INPP5B: variants seen among roughly 807,000 people sequenced by gnomAD.
The protein encoded by INPP5B is type II inositol 1,4,5-trisphosphate 5-phosphatase.
Under a neutral mutation model 118.5 loss-of-function variants are expected in INPP5B, and 90 were observed. That is an observed-to-expected ratio of 0.76 (90% CI 0.64 to 0.90). The LOEUF is 0.90. Among genes scored for constraint, INPP5B ranks in the 40% least tolerant of loss-of-function variants. The pLI, the probability that INPP5B is intolerant of heterozygous loss-of-function variation, is 0.00. For missense variants in INPP5B, 984 were observed against 1,125.6 expected (o/e 0.87, Z 1.80); for synonymous variants, 385 against 418.9 (o/e 0.92, Z 0.99).
intron 6 of INPP5B, among the ~76,000 whole-genome samples, chr1:37,940,464 C>T (rs569483468): frequency 2.0e-5 from 3 of 152,270 alleles, no homozygotes; most frequent in Non-Finnish European, 4.4e-5. Context: ...GCCAGGAGAG[C>T]AAAGGGGCCC....
At chr1:37,925,773 G>T (rs1351888195) in intron 7 of INPP5B, among the ~76,000 whole-genome samples, 2 of 152,124 alleles carry the variant, frequency 1.3e-5, no homozygotes, top group Non-Finnish European at 2.9e-5. Flanking sequence ...AAGAAAAAAA[G>T]AATCTTTAGG....
At chr1:37,938,270 A>AAAAT (rs71057106) in intron 6 of INPP5B, among the ~76,000 whole-genome samples, 15,965 of 118,736 alleles carry the variant, frequency 0.13, 922 homozygotes, top group Middle Eastern at 0.24. Flanking sequence ...CTCTGTCTCA[A>AAAAT]AAATAAATAA....
intron 20 of INPP5B, 97 bp from the exon 21 acceptor site, chr1:37,866,640 G>A (rs999537889): frequency 2.8e-5 from 21 of 755,420 alleles, no homozygotes; most frequent in African/African-American, 5.1e-5. Context: ...GCAAAAAGGA[G>A]CAGTGTGGTG....
Position 37,932,064 on chromosome 1 carries a change from A to G in INPP5B, c.392-11T>C. ...TCGCAGAATCGAAGCCTGTGCAGGA[A>G]CAAATGGGGGCAGACTGAGCCACGA... On this transcript the variant is annotated splice_polypyrimidine_tract_variant and intron_variant, in intron 6 of 23. Transcript: ENST00000373024. 1.3e-6 allele frequency: 2 copies of G among 1,578,188 alleles called. No individual in the cohort carries two copies. Among genetic ancestry groups the G allele is most frequent in the Non-Finnish European group, 1.7e-6 (2 of 1,161,654 alleles).
intron 5 of INPP5B, chr1:37,941,958 A>AAATATATATATATATATATATAT (rs1427344681): frequency 3.3e-5 from 1 of 30,378 alleles, no homozygotes; most frequent in Admixed American, 3.0e-4. Context: ...AAAAAAAAAA[A>AAATATATATATATATATATATAT]ATATATATAT....
intron 11 of INPP5B, among the ~76,000 whole-genome samples, 164 bp from the exon 12 acceptor site, chr1:37,887,168 C>T (rs1419556782): frequency 6.6e-6 from 1 of 152,182 alleles, no homozygotes; most frequent in Non-Finnish European, 1.5e-5. Context: ...ATGTGCTAAC[C>T]TACGAGTGGC....
Position 37,945,870 on chromosome 1 carries a change from G to T in INPP5B, c.58-20C>A. On this transcript the variant is annotated intron_variant, in intron 2 of 23. Coordinates refer to ENST00000373024, the MANE Select transcript of INPP5B (RefSeq NM_005540.3). ...CACCGCCTGCGGCTCAGAGTCAAGG[G>T]AAGACAACCCAGAGGCGAGGCCTCT... 1 of 1,612,442 alleles carries T rather than the reference G, an allele frequency of 6.2e-7. No homozygotes were observed. Among genetic ancestry groups the T allele is most frequent in the Non-Finnish European group, 8.5e-7 (1 of 1,178,806 alleles).
At chr1:37,934,028 G>A (rs1201348578) in intron 6 of INPP5B, among the ~76,000 whole-genome samples, 1 of 151,652 alleles carries the variant, frequency 6.6e-6, no homozygotes, top group African/African-American at 2.4e-5. Context: ...CCGCCTCCCG[G>A]GTTCAAATGA....
At position 37,876,552 on chromosome 1, in the gene INPP5B, T is replaced by TAAA. The variant is rs34854182; in HGVS notation, c.1678-839_1678-837dup. On this transcript the variant is annotated intron_variant, in intron 16 of 23. Coordinates refer to ENST00000373024, the MANE Select transcript of INPP5B (RefSeq NM_005540.3). ...GCAAGACAGCAAGATGCTGTCTCTT[T>TAAA]AAAAAAAAAAAAAAAAAAAAAAAAA... 2.1e-3 allele frequency among the ~76,000 whole-genome samples: 116 copies of TAAA among 54,604 alleles called. 4 individuals carry two copies. Among genetic ancestry groups the TAAA allele is most frequent in the African/African-American group, 7.1e-3 (79 of 11,138 alleles). 35.8% of individuals were successfully genotyped at this position (54,604 alleles called of 152,430 possible). A position where few individuals can be genotyped will look rare whatever the true frequency, so the allele number is the denominator to read the frequency against.
chr1:37,897,481 G>A (rs1241882255), intron 7 of INPP5B, among the ~76,000 whole-genome samples: 1 of 151,694 alleles, frequency 6.6e-6, no homozygotes, highest in Non-Finnish European at 1.5e-5. Context: ...ACTCAGGGTT[G>A]AATGGATTAA....
intron 23 of INPP5B, among the ~76,000 whole-genome samples, chr1:37,862,689 T>G (rs2148435908): frequency 6.6e-6 from 1 of 152,332 alleles, no homozygotes; most frequent in East Asian, 1.9e-4. Context: ...TGCTAAGTAT[T>G]TGTGCATCCA....
intron 5 of INPP5B, chr1:37,941,937 C>CAAAAAAAA (rs1212694634): frequency 7.7e-5 from 1 of 12,908 alleles, no homozygotes; most frequent in African/African-American, 2.3e-4. Flanking sequence ...GACTCCGTCT[C>CAAAAAAAA]AAAAAAAAAA....
intron 15 of INPP5B, among the ~76,000 whole-genome samples, chr1:37,879,345 C>T (rs1470681365): frequency 6.6e-6 from 1 of 151,598 alleles, no homozygotes; most frequent in Non-Finnish European, 1.5e-5. Context: ...CTACCTGTAC[C>T]CCTTGTCTGC....
chr1:37,889,967 C>T (rs1643747489), intron 8 of INPP5B, among the ~76,000 whole-genome samples: 1 of 152,098 alleles, frequency 6.6e-6, no homozygotes, highest in Non-Finnish European at 1.5e-5. Flanking sequence ...GAATCTCAGA[C>T]CAGAGGGGCA....
intron 5 of INPP5B, chr1:37,941,958 A>AAAAAAAATATATATATAT (rs1427344681): frequency 6.6e-5 from 2 of 30,382 alleles, no homozygotes; most frequent in African/African-American, 3.0e-4. Context: ...AAAAAAAAAA[A>AAAAAAAATATATATATAT]ATATATATAT....
Position 37,865,805 on chromosome 1 carries a change from G to A in INPP5B, c.2470C>T (p.His824Tyr). 1 of 1,613,742 alleles carries A rather than the reference G, an allele frequency of 6.2e-7. No individual in the cohort carries two copies. Among genetic ancestry groups the A allele is most frequent in the Non-Finnish European group, 8.5e-7 (1 of 1,179,766 alleles). Residue 824 changes from histidine to tyrosine, a missense_variant, in exon 22 of 24, where the codon CAT becomes TAT. Physicochemically the swap from His to Tyr is moderately conservative, Grantham distance 83 (BLOSUM62 2). This residue lies in a region of INPP5B where 634 missense variants were observed against 791.0 expected (regional missense o/e 0.80). Transcript: ENST00000373024. ...TTGCCAGAACACTCCAAGCAGTTAT[G>A]GTAGGTGCTGTAACAGATGACAGGC... ...PEPVICYSTY[H>Y]NCLECSGNYT...
intron 5 of INPP5B, chr1:37,941,958 A>AAAAAAAAAATATATATAT (rs1427344681): frequency 6.6e-5 from 2 of 30,384 alleles, no homozygotes; most frequent in African/African-American, 3.0e-4. Flanking sequence ...AAAAAAAAAA[A>AAAAAAAAAATATATATAT]ATATATATAT....
intron 7 of INPP5B, among the ~76,000 whole-genome samples, chr1:37,895,907 G>C (rs1390954565): frequency 1.3e-5 from 2 of 152,222 alleles, no homozygotes; most frequent in Non-Finnish European, 2.9e-5. Flanking sequence ...CCAAAGTGCT[G>C]AGATTGCAGC....
intron 5 of INPP5B, 41 bp downstream of exon 5, chr1:37,943,599 C>T (rs774523653): frequency 6.2e-7 from 1 of 1,610,160 alleles, no homozygotes. Flanking sequence ...AAATCAGGCA[C>T]CCCTGCCCCG....
Sources: gnomAD v4.1 joint callset for allele counts (sites outside exome capture counted in the v4.1 genomes callset) on GRCh38, gnomAD v4.1.1 for gene constraint, gnomAD v4.1.1 regional missense constraint, MANE v1.5 for transcripts, NCBI Gene and HGNC (gene_info 2026-07-23, HGNC 2026-07-21) for gene names.